Variants in MYO16 observed in about 807,000 individuals in gnomAD.
MYO16 encodes unconventional myosin-XVI.
Under a neutral mutation model 205.3 loss-of-function variants are expected in MYO16, and 94 were observed. The ratio of observed to expected loss-of-function variants is 0.46; its 90% CI spans 0.39 to 0.54. The LOEUF (loss-of-function observed/expected upper bound fraction) is 0.54, where lower values mean the gene tolerates loss of function less well. Among genes scored for constraint, MYO16 ranks in the 20% least tolerant of loss-of-function variants. MYO16 has a pLI of 0.00. For synonymous variants in MYO16, 988 were observed against 954.0 expected, an observed-to-expected ratio of 1.04 and a Z score of -0.66; for missense variants, 2,315 against 2,387.5, an observed-to-expected ratio of 0.97 and a Z score of 0.63.
At chr13:108,617,138 TTTTG>T (rs1879376750) in intron 1 of MYO16, among the ~76,000 whole-genome samples, 1 of 152,066 alleles carries the variant, frequency 6.6e-6, no homozygotes, top group Non-Finnish European at 1.5e-5. Context: ...TTCTTCAGGT[TTTTG>T]TTTTCCTAGA....
At chr13:108,582,850 G>A in the MYO16 span, among the ~76,000 whole-genome samples, 63 of 152,294 alleles carry the variant, frequency 4.1e-4, no homozygotes, top group African/African-American at 1.4e-3. Context: ...CTCCTGGAAG[G>A]TGGAGAATGA....
chr13:108,601,504 T>C (rs932724750), intron 1 of MYO16, among the ~76,000 whole-genome samples: 7 of 152,086 alleles, frequency 4.6e-5, no homozygotes, highest in Admixed American at 3.9e-4. Context: ...TAAAATCCGA[T>C]TGGGGACTAG....
intron 16 of MYO16, among the ~76,000 whole-genome samples, chr13:108,952,107 A>G (rs1309043665): frequency 8.0e-6 from 1 of 125,656 alleles, no homozygotes; most frequent in East Asian, 2.2e-4. Context: ...GTGAGACTCC[A>G]TCTCAATAAA....
At chr13:108,586,219 G>A in the MYO16 span, among the ~76,000 whole-genome samples, 1 of 151,688 alleles carries the variant, frequency 6.6e-6, no homozygotes, top group African/African-American at 2.4e-5. Context: ...TAAAATAAAT[G>A]AATACAAGAA....
At chr13:108,875,955 G>A (rs1879304340) in intron 12 of MYO16, among the ~76,000 whole-genome samples, 1 of 152,090 alleles carries the variant, frequency 6.6e-6, no homozygotes, top group African/African-American at 2.4e-5. Flanking sequence ...TGTCTCTTGT[G>A]TCTGTTGAAC....
intron 31 of MYO16, among the ~76,000 whole-genome samples, chr13:109,135,383 G>T (rs547875940): frequency 6.6e-6 from 1 of 152,308 alleles, no homozygotes; most frequent in African/African-American, 2.4e-5. Context: ...TCTATGTTCT[G>T]GAATCTTGGT....
intron 2 of MYO16, among the ~76,000 whole-genome samples, chr13:108,701,345 C>T (rs1185289763): frequency 2.0e-5 from 3 of 151,994 alleles, no homozygotes; most frequent in Non-Finnish European, 4.4e-5. Context: ...GGTGATTAGG[C>T]CATGAGGACT....
At chr13:108,786,425 C>CT (rs1187344596) in intron 5 of MYO16, among the ~76,000 whole-genome samples, 17 of 152,270 alleles carry the variant, frequency 1.1e-4, no homozygotes, top group Admixed American at 1.1e-3. Flanking sequence ...TATGCCCCTC[C>CT]TTTTTTCCCC....
intron 16 of MYO16, among the ~76,000 whole-genome samples, chr13:108,945,840 G>A (rs1318575171): frequency 1.3e-5 from 2 of 151,982 alleles, no homozygotes; most frequent in Non-Finnish European, 2.9e-5. Flanking sequence ...GAGTGTACAC[G>A]TTTTACTCAT....
chr13:108,920,473 A>T lies in MYO16; in HGVS notation c.1925+10323A>T, dbSNP rs1247920357. 2.0e-5 allele frequency among the ~76,000 whole-genome samples: 3 copies of T among 151,032 alleles called. No homozygotes were observed. In the East Asian group the frequency reaches 5.9e-4, roughly 30 times the overall value. The stretch of plus-strand genomic sequence containing the variant: ...TCTCTGTCTCTCTTTCTTTTTAAAA[A>T]CAAAAACAGAGTTTCACTATTATCA... On this transcript the variant is annotated intron_variant, in intron 16 of 34. Transcript: ENST00000457511.
At chr13:108,556,917 C>T in the MYO16 span, among the ~76,000 whole-genome samples, 1 of 152,092 alleles carries the variant, frequency 6.6e-6, no homozygotes, top group South Asian at 2.1e-4. Flanking sequence ...TGTGTTGGCG[C>T]CTTTGTCAAT....
At chr13:109,052,862 T>A (rs1887289639) in intron 25 of MYO16, among the ~76,000 whole-genome samples, 1 of 152,154 alleles carries the variant, frequency 6.6e-6, no homozygotes, top group South Asian at 2.1e-4. Flanking sequence ...CTCTAAATGA[T>A]AAATTGTTGT....
At chr13:108,554,862 A>G in the MYO16 span, among the ~76,000 whole-genome samples, 1 of 145,416 alleles carries the variant, frequency 6.9e-6, no homozygotes, top group Non-Finnish European at 1.5e-5. Flanking sequence ...AAAAAAAAAA[A>G]AAAAAAAAAA....
intron 27 of MYO16, among the ~76,000 whole-genome samples, chr13:109,088,378 G>A (rs1218766472): frequency 1.3e-5 from 2 of 152,128 alleles, no homozygotes; most frequent in African/African-American, 4.8e-5. Flanking sequence ...TCCATTTCTT[G>A]AATAAATACA....
At chr13:108,932,726 A>G (rs546655512) in intron 16 of MYO16, among the ~76,000 whole-genome samples, 1 of 152,120 alleles carries the variant, frequency 6.6e-6, no homozygotes, top group Non-Finnish European at 1.5e-5. Context: ...ATACCTTCCC[A>G]CTGAGATAGT....
intron 27 of MYO16, among the ~76,000 whole-genome samples, chr13:109,063,756 T>C (rs1887659935): frequency 6.8e-6 from 1 of 147,896 alleles, no homozygotes. Flanking sequence ...TTTGGAATTT[T>C]GGAATTAAGT....
chr13:108,655,716 G>T (rs192585860), intron 1 of MYO16, among the ~76,000 whole-genome samples: 28 of 152,290 alleles, frequency 1.8e-4, no homozygotes, highest in African/African-American at 6.5e-4. Flanking sequence ...GGGTGGAGCT[G>T]CCCAAGACTA....
At chr13:108,925,802 C>T (rs924974186) in intron 16 of MYO16, among the ~76,000 whole-genome samples, 12 of 152,188 alleles carry the variant, frequency 7.9e-5, no homozygotes, top group Admixed American at 5.9e-4. Flanking sequence ...TGTTGGACTC[C>T]CTGACACTGA....
intron 34 of MYO16, chr13:109,201,512 A>AAAAAAAAAAC (rs58049917): frequency 6.8e-6 from 1 of 147,378 alleles, no homozygotes; most frequent in Admixed American, 6.8e-5. Context: ...AAAAAAAAAA[A>AAAAAAAAAAC]TCTTATTCTT....
Sources: allele counts gnomAD v4.1 joint callset (sites outside exome capture counted in the v4.1 genomes callset), GRCh38; gene constraint gnomAD v4.1.1; transcripts MANE v1.5; gene names NCBI Gene and HGNC (gene_info 2026-07-23, HGNC 2026-07-21).